Variants in CDK14 observed in about 807,000 individuals in gnomAD.
CDK14 encodes the protein cyclin dependent kinase 14.
Under a neutral mutation model 60.7 loss-of-function variants are expected in CDK14, and 34 were observed. The ratio of observed to expected loss-of-function variants is 0.56; its 90% CI spans 0.43 to 0.75. The LOEUF is 0.75. Among genes scored for constraint, CDK14 ranks in the 30% least tolerant of loss-of-function variants. CDK14 has a pLI of 0.00. For synonymous variants in CDK14, 197 were observed against 203.7 expected (o/e 0.97, Z 0.28); for missense variants, 482 against 564.1 (o/e 0.85, Z 1.47).
chr7:91,175,954 C>A (rs990085367), intron 14 of CDK14, among the ~76,000 whole-genome samples: 1 of 151,612 alleles, frequency 6.6e-6, no homozygotes, highest in Non-Finnish European at 1.5e-5. Context: ...CTGCACCAAG[C>A]GGACCTAATA....
intron 5 of CDK14, among the ~76,000 whole-genome samples, chr7:90,845,497 CT>C (rs578062652): frequency 0.016 from 2,217 of 138,086 alleles, 52 homozygotes; most frequent in African/African-American, 0.05. Context: ...TTTTGGTTTT[CT>C]TTTTTTTTTT....
Position 91,207,195 on chromosome 7 carries a change from A to G in CDK14, c.*59A>G, listed in dbSNP as rs544269213. 6.6e-6 allele frequency: 1 copy of G among 152,270 alleles called. No homozygotes were observed. The highest frequency in any genetic ancestry group is 2.4e-5 in the African/African-American group (1 of 41,546). 9.4% of individuals were successfully genotyped at this position (152,270 alleles called of 1,614,324 possible). ...AGTTGTCATCATTCTGGGAAGAAAAAAAAAACATTAATGAAGAGGCCAATA... is the reference window on the plus strand; with the variant it reads ...AGTTGTCATCATTCTGGGAAGAAAAGAAAAACATTAATGAAGAGGCCAATA... On this transcript the variant is annotated 3_prime_UTR_variant, in exon 15 of 15. Coordinates refer to ENST00000380050, the MANE Select transcript of CDK14 (RefSeq NM_001287135.2).
At chr7:90,835,129 T>C (rs760788933) in intron 5 of CDK14, among the ~76,000 whole-genome samples, 1 of 151,874 alleles carries the variant, frequency 6.6e-6, no homozygotes, top group Non-Finnish European at 1.5e-5. Context: ...AAGGAGAAAA[T>C]AATCTGTCAG....
chr7:91,120,904 A>G (rs1799764688), intron 14 of CDK14, among the ~76,000 whole-genome samples: 1 of 152,178 alleles, frequency 6.6e-6, no homozygotes, highest in African/African-American at 2.4e-5. Flanking sequence ...ATGATTCAAT[A>G]TAATGCTGAG....
At chr7:90,731,126 T>A (rs1052505043) in intron 3 of CDK14, among the ~76,000 whole-genome samples, 4 of 147,802 alleles carry the variant, frequency 2.7e-5, no homozygotes, top group African/African-American at 9.9e-5. Flanking sequence ...TTCCTATTGC[T>A]TTGTTTTTGT....
intron 14 of CDK14, among the ~76,000 whole-genome samples, chr7:91,204,187 C>T (rs2116013337): frequency 6.6e-6 from 1 of 152,230 alleles, no homozygotes. Context: ...CAGGCCTCTC[C>T]TGGAAACTTA....
At chr7:91,117,180 G>A (rs1364299789) in intron 13 of CDK14, among the ~76,000 whole-genome samples, 1 of 149,820 alleles carries the variant, frequency 6.7e-6, no homozygotes, top group Non-Finnish European at 1.5e-5. Flanking sequence ...ATAAATAGCA[G>A]CATCATTCTT....
intron 2 of CDK14, among the ~76,000 whole-genome samples, chr7:90,672,536 T>TTTTA (rs1563039673): frequency 2.0e-5 from 2 of 101,726 alleles, no homozygotes; most frequent in Non-Finnish European, 3.8e-5. Flanking sequence ...TTTTTTTTTT[T>TTTTA]AATAATTTGG....
chr7:90,875,431 A>G (rs1321781977), intron 6 of CDK14, among the ~76,000 whole-genome samples: 3 of 152,156 alleles, frequency 2.0e-5, no homozygotes, highest in Non-Finnish European at 4.4e-5. Context: ...GGACTGCCAA[A>G]CTATTTTCCA....
chr7:90,998,198 T>C (rs1221337130), intron 10 of CDK14, among the ~76,000 whole-genome samples: 2 of 152,346 alleles, frequency 1.3e-5, no homozygotes, highest in South Asian at 2.1e-4. Flanking sequence ...ATGAATATAA[T>C]GTGTTTTTTG....
intron 2 of CDK14, among the ~76,000 whole-genome samples, chr7:90,644,701 G>C (rs751595549): frequency 1.3e-5 from 2 of 152,188 alleles, no homozygotes; most frequent in African/African-American, 4.8e-5. Context: ...GGGCACCTCT[G>C]GTGATACCAT....
intron 2 of CDK14, among the ~76,000 whole-genome samples, chr7:90,605,484 C>T (rs1799398794): frequency 6.6e-6 from 1 of 152,102 alleles, no homozygotes; most frequent in South Asian, 2.1e-4. Flanking sequence ...TGGAGTTTTC[C>T]TCTAAACATG....
chr7:91,177,635 C>G (rs1335495351), intron 14 of CDK14, among the ~76,000 whole-genome samples: 4 of 151,668 alleles, frequency 2.6e-5, no homozygotes, highest in Non-Finnish European at 5.9e-5. Context: ...AATCAACGTA[C>G]AAAAATCACA....
intron 2 of CDK14, among the ~76,000 whole-genome samples, chr7:90,684,918 AT>A (rs1282449951): frequency 6.6e-6 from 1 of 150,380 alleles, no homozygotes; most frequent in African/African-American, 2.4e-5. Flanking sequence ...ATATATTCAT[AT>A]TTTCATATAT....
At chr7:91,145,264 CT>C (rs1171173425) in intron 14 of CDK14, among the ~76,000 whole-genome samples, 1 of 152,140 alleles carries the variant, frequency 6.6e-6, no homozygotes, top group Non-Finnish European at 1.5e-5. Flanking sequence ...CATATAGTGC[CT>C]TATTTCTTTA....
chr7:90,979,650 A>T (rs1388635748), intron 9 of CDK14: 2 of 152,210 alleles, frequency 1.3e-5, no homozygotes, highest in African/African-American at 4.8e-5. Context: ...AGAGAAAAAA[A>T]TTCTAAACTA....
chr7:90,923,885 A>T (rs1793329847), intron 8 of CDK14, among the ~76,000 whole-genome samples: 1 of 152,266 alleles, frequency 6.6e-6, no homozygotes, highest in Admixed American at 6.5e-5. Context: ...CATATGTAGA[A>T]AGACTGGAAC....
At chr7:91,071,688 C>T (rs962866483) in intron 11 of CDK14, among the ~76,000 whole-genome samples, 11 of 152,248 alleles carry the variant, frequency 7.2e-5, no homozygotes, top group South Asian at 2.1e-4. Flanking sequence ...CGGGTGCCTG[C>T]TGTCTAAGCC....
chr7:90,712,120 T>C (rs562132368), intron 2 of CDK14, among the ~76,000 whole-genome samples: 4 of 152,144 alleles, frequency 2.6e-5, no homozygotes, highest in South Asian at 4.1e-4. Context: ...TGCTTTGATA[T>C]TTTTTATTGT....
Sources: gnomAD v4.1 joint callset for allele counts (sites outside exome capture counted in the v4.1 genomes callset) on GRCh38, gnomAD v4.1.1 for gene constraint, MANE v1.5 for transcripts, NCBI Gene and HGNC (gene_info 2026-07-23, HGNC 2026-07-21) for gene names.